EYA4: variants seen among roughly 807,000 people sequenced by gnomAD.
EYA4 encodes EYA transcriptional coactivator and phosphatase 4, also known as protein phosphatase EYA4.
EYA4 carries 31 observed loss-of-function variants against 87.9 expected under a neutral mutation model. The ratio of observed to expected loss-of-function variants is 0.35; its 90% CI spans 0.27 to 0.48. The LOEUF (loss-of-function observed/expected upper bound fraction) is 0.48, where lower values mean the gene tolerates loss of function less well. Among genes scored for constraint, EYA4 ranks in the 20% least tolerant of loss-of-function variants. The pLI is 0.99. For synonymous variants in EYA4, 263 were observed against 270.6 expected (o/e 0.97, Z 0.28); for missense variants, 678 against 761.4 (o/e 0.89, Z 1.29).
Position 133,288,347 on chromosome 6 carries a change from G to A in EYA4, c.33+13534G>A, listed in dbSNP as rs148610195. Among the ~76,000 whole-genome samples, 497 of 152,258 alleles carry A rather than the reference G, an allele frequency of 3.3e-3. 2 individuals are homozygous for A. Among genetic ancestry groups the A allele is most frequent in the Middle Eastern group, 0.02 (6 of 294 alleles). On this transcript the variant is annotated intron_variant, in intron 2 of 19. Transcript: ENST00000355286. ...ACATCGAGTAAAGAATCAATAAAAG[G>A]AACTTGAAAATAAAGCTTTGCTGAA...
Position 133,385,440 on chromosome 6 carries a change from T to TGTGA in EYA4, c.83+3000_83+3001insTGAG, listed in dbSNP as rs1198712820. 2.0e-3 allele frequency among the ~76,000 whole-genome samples: 207 copies of TGTGA among 103,944 alleles called. 1 individual carries two copies. Among genetic ancestry groups the TGTGA allele is most frequent in the African/African-American group, 6.2e-3 (180 of 28,886 alleles). 68.2% of individuals were successfully genotyped at this position (103,944 alleles called of 152,430 possible). ...GTGTGTGTGTGTGTGTGTGTGTGTG[T>TGTGA]GAGAGAGAGAGAGAGAGATTCAGAT... On this transcript the variant is annotated intron_variant, in intron 3 of 19. Coordinates refer to ENST00000355286, the MANE Select transcript of EYA4 (RefSeq NM_004100.5).
chr6:133,488,904 A>G (rs529144657), intron 13 of EYA4, among the ~76,000 whole-genome samples: 12 of 152,192 alleles, frequency 7.9e-5, no homozygotes, highest in Non-Finnish European at 1.6e-4. Flanking sequence ...AAAACATGAC[A>G]TCACCAAACA....
At chr6:133,495,088 G>A (rs1797521380) in intron 13 of EYA4, among the ~76,000 whole-genome samples, 1 of 151,906 alleles carries the variant, frequency 6.6e-6, no homozygotes, top group African/African-American at 2.4e-5. Flanking sequence ...GGCCAACACG[G>A]CAAAACCCCG....
At chr6:133,509,175 C>T (rs191229822) in intron 14 of EYA4, among the ~76,000 whole-genome samples, 56 of 152,218 alleles carry the variant, frequency 3.7e-4, no homozygotes, top group Admixed American at 5.2e-4. Flanking sequence ...ACATACATAG[C>T]GCCCTATCCT....
chr6:133,353,859 A>G (rs761881678), intron 2 of EYA4, among the ~76,000 whole-genome samples: 73 of 152,280 alleles, frequency 4.8e-4, no homozygotes, highest in Non-Finnish European at 7.5e-4. Context: ...CATTTCTGCC[A>G]TTCACAGTGC....
intron 3 of EYA4, among the ~76,000 whole-genome samples, chr6:133,398,659 G>T (rs143642492): frequency 6.6e-6 from 1 of 152,142 alleles, no homozygotes; most frequent in Non-Finnish European, 1.5e-5. Context: ...GCTATGGAAG[G>T]CTTGCTTAAA....
intron 1 of EYA4, among the ~76,000 whole-genome samples, chr6:133,269,030 AG>A (rs1258912808): frequency 1.3e-5 from 2 of 152,146 alleles, no homozygotes; most frequent in Non-Finnish European, 2.9e-5. Context: ...AGGCTGAGGC[AG>A]GCAGATCACC....
intron 3 of EYA4, among the ~76,000 whole-genome samples, chr6:133,390,817 T>C (rs899018166): frequency 5.3e-5 from 8 of 152,066 alleles, no homozygotes; most frequent in South Asian, 2.1e-4. Flanking sequence ...ATTAGAGGGA[T>C]AGAGGAGAAT....
chr6:133,359,131 A>G (rs1294930912), intron 2 of EYA4, among the ~76,000 whole-genome samples: 1 of 152,268 alleles, frequency 6.6e-6, no homozygotes, highest in African/African-American at 2.4e-5. Context: ...AATCCTGTAT[A>G]GTTTATAAAA....
intron 3 of EYA4, among the ~76,000 whole-genome samples, chr6:133,421,364 A>G (rs941110861): frequency 6.6e-6 from 1 of 152,228 alleles, no homozygotes; most frequent in Non-Finnish European, 1.5e-5. Context: ...TAACTCAAAC[A>G]TGCCACGGAG....
At chr6:133,284,569 A>G (rs1236113922) in intron 2 of EYA4, among the ~76,000 whole-genome samples, 2 of 152,200 alleles carry the variant, frequency 1.3e-5, no homozygotes, top group East Asian at 1.9e-4. Context: ...GCATTTCAAG[A>G]CTTCTTGCTA....
chr6:133,241,666 A>C lies in EYA4; in HGVS notation c.-149A>C, dbSNP rs1773948681. On this transcript the variant is annotated 5_prime_UTR_variant, in exon 1 of 20. Coordinates refer to ENST00000355286, the MANE Select transcript of EYA4 (RefSeq NM_004100.5). ...AGGGGAAACTTCGACACTGGAAGGAACGAGAATAAATACTTAATTACGGAC... is the reference window on the plus strand; with the variant it reads ...AGGGGAAACTTCGACACTGGAAGGACCGAGAATAAATACTTAATTACGGAC... 1 of 152,268 alleles carries C rather than the reference A, an allele frequency of 6.6e-6. No individual in the cohort carries two copies. Among genetic ancestry groups the C allele is most frequent in the Non-Finnish European group, 1.5e-5 (1 of 68,112 alleles). The allele number at this position is 152,268 out of a possible 1,614,324, so 9.4% of individuals were successfully genotyped here.
chr6:133,528,651 A>G lies in EYA4; in HGVS notation c.1840-74A>G, dbSNP rs3822939. 631,782 of 1,060,736 alleles carry G rather than the reference A, an allele frequency of 0.6. 194,977 individuals carry two copies. The highest frequency in any genetic ancestry group is 0.89 in the African/African-American group (57,287 of 64,218). The allele number at this position is 1,060,736 out of a possible 1,614,324, so 65.7% of individuals were successfully genotyped here. On this transcript the variant is annotated intron_variant, in intron 19 of 19. Coordinates refer to ENST00000355286, the MANE Select transcript of EYA4 (RefSeq NM_004100.5). ...GTGTGTGCTGCTGCTTCATTGAGACAATGGTTGTGATCTCTCTCCATGCCT... is the reference window on the plus strand; with the variant it reads ...GTGTGTGCTGCTGCTTCATTGAGACGATGGTTGTGATCTCTCTCCATGCCT...
At position 133,489,340 on chromosome 6, in the gene EYA4, A is replaced by AAGGATAATAACAGAT. The variant is rs1796945353; in HGVS notation, c.1191+6226_1191+6227insGGATAATAACAGATA. Among the ~76,000 whole-genome samples the AAGGATAATAACAGAT allele has an allele frequency of 3.3e-5, 5 of 152,310 alleles. No homozygotes were observed. In the East Asian group the frequency reaches 9.6e-4, roughly 29 times the overall value. On this transcript the variant is annotated intron_variant, in intron 13 of 19. Coordinates refer to ENST00000355286, the MANE Select transcript of EYA4 (RefSeq NM_004100.5). ...GGGGTGGGGCTAGAAGGTTTATTGA[A>AAGGATAATAACAGAT]AAGGATAATAACAGAGAACTTCCCA...
intron 5 of EYA4, among the ~76,000 whole-genome samples, chr6:133,450,603 A>T (rs376742122): frequency 1.5e-4 from 23 of 152,276 alleles, no homozygotes; most frequent in African/African-American, 5.1e-4. Flanking sequence ...TCCCAGGTTC[A>T]AGTGATTCTC....
chr6:133,370,403 G>A (rs929489596), intron 2 of EYA4, among the ~76,000 whole-genome samples: 5 of 152,186 alleles, frequency 3.3e-5, no homozygotes, highest in Non-Finnish European at 5.9e-5. Flanking sequence ...GTTAAAATAG[G>A]TTGTTTAGAT....
At chr6:133,275,016 T>G (rs1044683390) in intron 2 of EYA4, among the ~76,000 whole-genome samples, 1 of 152,222 alleles carries the variant, frequency 6.6e-6, no homozygotes, top group Non-Finnish European at 1.5e-5. Flanking sequence ...TTTTGATGTC[T>G]TCTTTGATTT....
Position 133,397,848 on chromosome 6 carries a change from G to A in EYA4, c.83+15407G>A, listed in dbSNP as rs149730111. 4.2e-3 allele frequency among the ~76,000 whole-genome samples: 643 copies of A among 152,296 alleles called. 2 individuals are homozygous for A. The highest frequency in any genetic ancestry group is 7.2e-3 in the Non-Finnish European group (488 of 68,016). ...GCTTTTTAAAACCATCAGATCTCGTGAGACTTATTCACTATCACAAGAACA... is the reference window on the plus strand; with the variant it reads ...GCTTTTTAAAACCATCAGATCTCGTAAGACTTATTCACTATCACAAGAACA... On this transcript the variant is annotated intron_variant, in intron 3 of 19. Transcript: ENST00000355286.
In EYA4 at chr6:133,464,198, C is replaced by T. The variant is rs1230558232; in HGVS notation, c.725-581C>T. Among the ~76,000 whole-genome samples, 8 of 152,082 alleles carry T rather than the reference C, an allele frequency of 5.3e-5. 1 individual carries two copies. The highest frequency in any genetic ancestry group is 5.2e-4 in the Admixed American group (8 of 15,266). Reference sequence around the variant, plus strand: ...ATTTGAGAAATCATTAAATTTCAGACCTTGTAGTAAAGTTTTAGAAGGCCC... The same window carrying T: ...ATTTGAGAAATCATTAAATTTCAGATCTTGTAGTAAAGTTTTAGAAGGCCC... On this transcript the variant is annotated intron_variant, in intron 9 of 19. Transcript: ENST00000355286.
Sources: gnomAD v4.1 joint callset for allele counts (sites outside exome capture counted in the v4.1 genomes callset) on GRCh38, gnomAD v4.1.1 for gene constraint, MANE v1.5 for transcripts, NCBI Gene and HGNC (gene_info 2026-07-23, HGNC 2026-07-21) for gene names.